The following GRIK1 variants were observed in gnomAD, a reference collection of about 807,000 sequenced individuals.
GRIK1 encodes glutamate receptor ionotropic, kainate 1.
GRIK1 carries 69 observed loss-of-function variants against 105.7 expected under a neutral mutation model. That is an observed-to-expected ratio of 0.65 (90% CI 0.54 to 0.80). The LOEUF (loss-of-function observed/expected upper bound fraction) is 0.80, where lower values mean the gene tolerates loss of function less well. GRIK1 is among the 30% of genes least tolerant of loss of function. GRIK1 has a pLI of 0.00. For synonymous variants in GRIK1, 438 were observed against 431.3 expected, an observed-to-expected ratio of 1.02 and a Z score of -0.19; for missense variants, 1,109 against 1,167.3, an observed-to-expected ratio of 0.95 and a Z score of 0.73.
At position 29,560,414 on chromosome 21, in the gene GRIK1, T is replaced by G. The variant is rs1488126751; in HGVS notation, c.2356+1210A>C. Among the ~76,000 whole-genome samples, 6 of 126,500 alleles carry G rather than the reference T, an allele frequency of 4.7e-5. 2 individuals carry two copies. Among genetic ancestry groups the G allele is most frequent in the Admixed American group, 1.7e-4 (2 of 11,966 alleles). 83.0% of individuals were successfully genotyped at this position (126,500 alleles called of 152,430 possible). A position where few individuals can be genotyped will look rare whatever the true frequency, so the allele number is the denominator to read the frequency against. On this transcript the variant is annotated intron_variant, in intron 15 of 17. Coordinates refer to ENST00000327783, the MANE Select transcript of GRIK1 (RefSeq NM_001330994.2). ...CTTCCTTCCTTCCTTTCTTTCTTTCTTTCTTTCTTTCTTTCTTTCTTTCTT... is the reference window on the plus strand; with the variant it reads ...CTTCCTTCCTTCCTTTCTTTCTTTCGTTCTTTCTTTCTTTCTTTCTTTCTT...
At chr21:29,787,137 G>A (rs2066280971) in intron 1 of GRIK1, among the ~76,000 whole-genome samples, 1 of 152,158 alleles carries the variant, frequency 6.6e-6, no homozygotes, top group Admixed American at 6.5e-5. Flanking sequence ...AGTATAACCA[G>A]GCAAATTCGC....
chr21:29,749,459 G>A lies in GRIK1; in HGVS notation c.119-55396C>T, dbSNP rs183830855. On this transcript the variant is annotated intron_variant, in intron 1 of 17. Coordinates refer to ENST00000327783, the MANE Select transcript of GRIK1 (RefSeq NM_001330994.2). ...CTGTGAAATGGGCTGAAGGGCTTGA[G>A]CTCTCTGTTACTTCTTTGGGATGTG... is the stretch of plus-strand genomic sequence containing the variant. Among the ~76,000 whole-genome samples the A allele has an allele frequency of 3.3e-5, 5 of 152,282 alleles. No homozygotes were observed. In the East Asian group the frequency reaches 9.6e-4, roughly 29 times the overall value.
chr21:29,546,014 A>C (rs781134935), intron 16 of GRIK1, among the ~76,000 whole-genome samples: 31 of 152,046 alleles, frequency 2.0e-4, no homozygotes, highest in Non-Finnish European at 3.2e-4. Flanking sequence ...GGATAAGGAG[A>C]AGTGTCTAGA....
At position 29,689,732 on chromosome 21, in the gene GRIK1, G is replaced by T; in HGVS notation, c.540C>A (p.Ser180Arg). 1 of 1,613,778 alleles carries T rather than the reference G, an allele frequency of 6.2e-7. No individual in the cohort carries two copies. The highest frequency in any genetic ancestry group is 8.5e-7 in the Non-Finnish European group (1 of 1,179,710). Residue 180 changes from serine to arginine, a missense_variant, in exon 3 of 18, where the codon AGC (serine) becomes AGA (arginine). Ser to Arg is a moderately radical substitution (Grantham distance 110). This residue lies in a region of GRIK1 where 612 missense variants were observed against 586.0 expected (regional missense o/e 1.04). Coordinates refer to ENST00000327783, the MANE Select transcript of GRIK1 (RefSeq NM_001330994.2). The part of the protein sequence containing the change: ...WKTVTVVYED[S>R]TGLIRLQELI... ...GGTCTTGTGTGAGTCCCATACCTGTGCTGTCTTCATACACCACTGTCACTG... is the reference window on the plus strand; with the variant it reads ...GGTCTTGTGTGAGTCCCATACCTGTTCTGTCTTCATACACCACTGTCACTG...
At chr21:29,696,637 T>C (rs1481117792) in intron 1 of GRIK1, among the ~76,000 whole-genome samples, 3 of 152,228 alleles carry the variant, frequency 2.0e-5, no homozygotes, top group African/African-American at 7.2e-5. Context: ...TTATGAACAA[T>C]GACTTGTTTA....
intron 7 of GRIK1, among the ~76,000 whole-genome samples, chr21:29,620,902 T>C (rs186256661): frequency 0.013 from 1,832 of 140,784 alleles, 23 homozygotes; most frequent in South Asian, 0.037. Flanking sequence ...ATATATATCA[T>C]ATATGTAATT....
rs563532196 is a variant in GRIK1 at position 29,802,533 on chromosome 21, G to T, written c.119-108470C>A. Among the ~76,000 whole-genome samples the T allele has an allele frequency of 2.0e-4, 31 of 152,090 alleles. 1 individual carries two copies. Among genetic ancestry groups the T allele is most frequent in the African/African-American group, 7.5e-4 (31 of 41,490 alleles). ...TGTTGCACCAAATGAAAATCTTTTT[G>T]TCTGGATCTCATCATCCTCCATTCT... On this transcript the variant is annotated intron_variant, in intron 1 of 17. Transcript: ENST00000327783.
chr21:29,718,036 G>T (rs936827200), intron 1 of GRIK1, among the ~76,000 whole-genome samples: 1 of 152,226 alleles, frequency 6.6e-6, no homozygotes, highest in Non-Finnish European at 1.5e-5. Context: ...CCCTTTGCTT[G>T]GTACTTCTCC....
intron 1 of GRIK1, among the ~76,000 whole-genome samples, chr21:29,765,489 C>A (rs1486280027): frequency 6.6e-6 from 1 of 152,100 alleles, no homozygotes; most frequent in Non-Finnish European, 1.5e-5. Flanking sequence ...TAAGTTATTG[C>A]ATTCCTTCTG....
intron 14 of GRIK1, among the ~76,000 whole-genome samples, chr21:29,576,544 G>A (rs1010431429): frequency 1.3e-5 from 2 of 152,102 alleles, no homozygotes; most frequent in African/African-American, 2.4e-5. Flanking sequence ...GTACAGGACC[G>A]AAAGAACAAA....
At position 29,615,306 on chromosome 21, in the gene GRIK1, T is replaced by C. The variant is rs112497454; in HGVS notation, c.1099-16369A>G. 2.3e-3 allele frequency among the ~76,000 whole-genome samples: 346 copies of C among 150,344 alleles called. 22 individuals carry two copies. Among genetic ancestry groups the C allele is most frequent in the African/African-American group, 7.6e-3 (304 of 39,796 alleles). On this transcript the variant is annotated intron_variant, in intron 7 of 17. Transcript: ENST00000327783. ...TGCCTTCATGGCCCACTATTCCTTT[T>C]TTTCTTTCTTTCTTTCTTTTTTTGA... is the stretch of plus-strand genomic sequence containing the variant.
intron 1 of GRIK1, among the ~76,000 whole-genome samples, chr21:29,854,764 T>C (rs2068413383): frequency 1.3e-5 from 2 of 152,196 alleles, no homozygotes; most frequent in South Asian, 4.1e-4. Flanking sequence ...GTCATTCGTT[T>C]GTCTTCCCCA....
rs150526885 is a variant in GRIK1, at chr21:29,555,094, T to G, written c.2565A>C (p.Gly855=). 2.5e-6 allele frequency: 4 copies of G among 1,609,936 alleles called. No individual in the cohort carries two copies. The highest frequency in any genetic ancestry group is 2.6e-6 in the Non-Finnish European group (3 of 1,176,298). ...GLVLSVFVAI[G]EFIYKSRKNN... ...TCTTCCGTGATTTGTATATGAATTC[T>G]CCAATAGCTACAAATACAGAAAGGA... The change falls in exon 16 of 18, where the codon GGA becomes GGC. Residue 855 remains glycine (G), a synonymous_variant. Transcript: ENST00000327783.
intron 1 of GRIK1, among the ~76,000 whole-genome samples, chr21:29,904,841 A>G (rs1486191684): frequency 1.3e-5 from 2 of 152,170 alleles, no homozygotes; most frequent in Non-Finnish European, 2.9e-5. Context: ...CCTTTGTGTT[A>G]GGACTGCTAC....
At chr21:29,831,054 T>C (rs2067621632) in intron 1 of GRIK1, among the ~76,000 whole-genome samples, 1 of 152,216 alleles carries the variant, frequency 6.6e-6, no homozygotes, top group East Asian at 1.9e-4. Flanking sequence ...TCTGCTCATT[T>C]AAGGTGTGTA....
At chr21:29,656,014 C>G (rs972400446) in intron 4 of GRIK1, among the ~76,000 whole-genome samples, 2 of 151,978 alleles carry the variant, frequency 1.3e-5, no homozygotes, top group African/African-American at 4.8e-5. Flanking sequence ...GATAGATTAC[C>G]AAAATAACTA....
At chr21:29,799,522 G>GTT (rs1308828735) in intron 1 of GRIK1, among the ~76,000 whole-genome samples, 1 of 151,176 alleles carries the variant, frequency 6.6e-6, no homozygotes, top group Non-Finnish European at 1.5e-5. Flanking sequence ...GTTTTCATTT[G>GTT]TTTTTTGTTT....
At chr21:29,687,226 T>C (rs151275632) in intron 3 of GRIK1, among the ~76,000 whole-genome samples, 3 of 152,328 alleles carry the variant, frequency 2.0e-5, no homozygotes, top group Non-Finnish European at 2.9e-5. Flanking sequence ...TTCAGGCTAT[T>C]TAACAAACTC....
Position 29,672,961 on chromosome 21 carries a change from ACCT to A in GRIK1, c.726+19_726+21del. On this transcript the variant is annotated intron_variant, in intron 4 of 17. Transcript: ENST00000327783. The stretch of plus-strand genomic sequence containing the variant: ...AAAATAACATTTATCCCACACCTCC[ACCT>A]CCTCCCTAGCCCTCTTACCTGCTTA... The A allele has an allele frequency of 1.4e-5, 22 of 1,556,238 alleles. No homozygotes were observed. Among genetic ancestry groups the A allele is most frequent in the Non-Finnish European group, 1.9e-5 (22 of 1,141,836 alleles).
Sources: gnomAD v4.1 joint callset for allele counts (sites outside exome capture counted in the v4.1 genomes callset) on GRCh38, gnomAD v4.1.1 for gene constraint, gnomAD v4.1.1 regional missense constraint, MANE v1.5 for transcripts, NCBI Gene and HGNC (gene_info 2026-07-23, HGNC 2026-07-21) for gene names.